Variants in NRXN1 observed in about 807,000 individuals in gnomAD.
The protein encoded by NRXN1 is neurexin-1.
Under a neutral mutation model 150.9 loss-of-function variants are expected in NRXN1, and 39 were observed. The observed-to-expected ratio is 0.26, with a 90% CI of 0.20 to 0.34. The LOEUF (loss-of-function observed/expected upper bound fraction) is 0.34. Among genes scored for constraint, NRXN1 ranks in the 10% least tolerant of loss-of-function variants. The pLI is 1.00. For synonymous variants in NRXN1, 924 were observed against 757.0 expected, an observed-to-expected ratio of 1.22 and a Z score of -3.62; for missense variants, 1,815 against 1,949.9, an observed-to-expected ratio of 0.93 and a Z score of 1.30.
intron 22 of NRXN1, among the ~76,000 whole-genome samples, chr2:49,940,799 G>C (rs1419302350): frequency 2.0e-5 from 3 of 152,164 alleles, no homozygotes; most frequent in Non-Finnish European, 4.4e-5. Context: ...GAAATCGAAA[G>C]TGAAACAATT....
chr2:50,042,734 A>C (rs553931047), intron 21 of NRXN1, among the ~76,000 whole-genome samples: 1 of 152,338 alleles, frequency 6.6e-6, no homozygotes, highest in East Asian at 1.9e-4. Flanking sequence ...TTGTCAAAAA[A>C]AAAACTTAAG....
At chr2:50,622,801 G>C (rs1335470906) in intron 6 of NRXN1, among the ~76,000 whole-genome samples, 2 of 152,074 alleles carry the variant, frequency 1.3e-5, no homozygotes. Context: ...GACCCTTCAG[G>C]AGATATGTAA....
intron 2 of NRXN1, among the ~76,000 whole-genome samples, chr2:50,976,744 G>A (rs375931605): frequency 1.1e-4 from 16 of 151,642 alleles, no homozygotes; most frequent in African/African-American, 3.6e-4. Flanking sequence ...GAAGTACTCG[G>A]GAACTGTAAC....
At chr2:50,143,726 A>G (rs577511716) in intron 18 of NRXN1, among the ~76,000 whole-genome samples, 4 of 151,928 alleles carry the variant, frequency 2.6e-5, no homozygotes, top group African/African-American at 7.2e-5. Flanking sequence ...TACTGTTTCA[A>G]TCATGCCTCC....
At chr2:50,105,681 T>G (rs1701540210) in intron 18 of NRXN1, among the ~76,000 whole-genome samples, 1 of 152,008 alleles carries the variant, frequency 6.6e-6, no homozygotes, top group African/African-American at 2.4e-5. Context: ...AATGAGAGAT[T>G]TAGTTGTAGT....
chr2:50,830,189 T>C (rs1346136610), intron 5 of NRXN1, among the ~76,000 whole-genome samples: 3 of 151,926 alleles, frequency 2.0e-5, no homozygotes, highest in Non-Finnish European at 4.4e-5. Flanking sequence ...CAGCTACCAA[T>C]ACATACAGAT....
intron 5 of NRXN1, among the ~76,000 whole-genome samples, chr2:50,730,588 G>A (rs374749179): frequency 6.6e-6 from 1 of 151,484 alleles, no homozygotes; most frequent in Non-Finnish European, 1.5e-5. Context: ...GTAATTTATT[G>A]TGATGTAATG....
chr2:50,331,780 C>T (rs1240985336), intron 17 of NRXN1, among the ~76,000 whole-genome samples: 2 of 152,164 alleles, frequency 1.3e-5, no homozygotes, highest in Non-Finnish European at 2.9e-5. Context: ...TAGACAGTAC[C>T]TGCTGGAGGC....
chr2:50,353,489 A>G (rs2078571256), intron 17 of NRXN1, among the ~76,000 whole-genome samples: 1 of 152,036 alleles, frequency 6.6e-6, no homozygotes, highest in Non-Finnish European at 1.5e-5. Context: ...GTATGAATCC[A>G]AGCTTCATTG....
At chr2:50,853,096 T>A (rs1225655834) in intron 5 of NRXN1, among the ~76,000 whole-genome samples, 1 of 152,150 alleles carries the variant, frequency 6.6e-6, no homozygotes, top group Non-Finnish European at 1.5e-5. Flanking sequence ...CTGTGACACA[T>A]GTAAGAGGAG....
chr2:50,975,782 C>T (rs1695725066), intron 2 of NRXN1, among the ~76,000 whole-genome samples: 1 of 152,006 alleles, frequency 6.6e-6, no homozygotes, highest in Non-Finnish European at 1.5e-5. Context: ...GGATTCATAC[C>T]AGTCAATCAA....
intron 5 of NRXN1, among the ~76,000 whole-genome samples, chr2:50,695,699 G>A (rs2081295): frequency 0.83 from 126,338 of 152,196 alleles, 53,108 homozygotes; most frequent in African/African-American, 0.95. Context: ...AATAAATGTC[G>A]ACGTGCTATA....
intron 18 of NRXN1, among the ~76,000 whole-genome samples, chr2:50,169,725 A>G (rs1010854462): frequency 5.2e-5 from 7 of 134,820 alleles, no homozygotes; most frequent in East Asian, 4.0e-4. Context: ...AAAAAAAAAA[A>G]AAAGAAAGAA....
intron 5 of NRXN1, among the ~76,000 whole-genome samples, chr2:50,686,517 A>G (rs1691254002): frequency 6.6e-6 from 1 of 152,154 alleles, no homozygotes; most frequent in Non-Finnish European, 1.5e-5. Flanking sequence ...CCTTCTGCCC[A>G]TCTGCAAAAA....
chr2:50,172,962 G>A (rs537786233), intron 18 of NRXN1, among the ~76,000 whole-genome samples: 8 of 151,948 alleles, frequency 5.3e-5, no homozygotes, highest in African/African-American at 1.2e-4. Context: ...GGGAGACTCC[G>A]TCTCAAAAAA....
chr2:50,120,011 T>C (rs1436887965), intron 18 of NRXN1, among the ~76,000 whole-genome samples: 2 of 152,180 alleles, frequency 1.3e-5, no homozygotes, highest in Non-Finnish European at 2.9e-5. Flanking sequence ...CAATTAGTTG[T>C]TCTGGACTTC....
chr2:50,506,150 A>C (rs2092210990), intron 13 of NRXN1, among the ~76,000 whole-genome samples: 1 of 152,174 alleles, frequency 6.6e-6, no homozygotes, highest in African/African-American at 2.4e-5. Context: ...TTCATTGCCA[A>C]AATATATACA....
At chr2:50,511,856 T>C (rs1482486627) in intron 12 of NRXN1, among the ~76,000 whole-genome samples, 1 of 152,130 alleles carries the variant, frequency 6.6e-6, no homozygotes, top group Non-Finnish European at 1.5e-5. Flanking sequence ...GCTAATGACT[T>C]TTACTTCCAT....
intron 5 of NRXN1, among the ~76,000 whole-genome samples, chr2:50,795,137 G>C (rs566010935): frequency 1.3e-5 from 2 of 152,190 alleles, no homozygotes; most frequent in African/African-American, 4.8e-5. Context: ...GGGACCTGTA[G>C]TCTTTTCAGT....
Sources: gnomAD v4.1 joint callset for allele counts (sites outside exome capture counted in the v4.1 genomes callset) on GRCh38, gnomAD v4.1.1 for gene constraint, MANE v1.5 for transcripts, NCBI Gene and HGNC (gene_info 2026-07-23, HGNC 2026-07-21) for gene names.